Variants in PATJ observed in about 807,000 individuals in gnomAD.
PATJ encodes inaD-like protein.
A neutral mutation model predicts 224.9 loss-of-function variants in PATJ; 190 were observed. The ratio of observed to expected loss-of-function variants is 0.84; its 90% CI spans 0.75 to 0.95. The LOEUF is 0.95. PATJ is among the 40% of genes least tolerant of loss of function. The pLI is 0.00. For synonymous variants in PATJ, 769 were observed against 820.3 expected (o/e 0.94, Z 1.07); for missense variants, 2,121 against 2,270.3 (o/e 0.93, Z 1.34).
At chr1:61,835,470 C>A (rs1660023567) in intron 17 of PATJ, among the ~76,000 whole-genome samples, 1 of 152,170 alleles carries the variant, frequency 6.6e-6, no homozygotes, top group Non-Finnish European at 1.5e-5. Flanking sequence ...GTGGTGCGAT[C>A]TTGGCTCACT....
chr1:61,794,647 T>C (rs924015151), intron 9 of PATJ, among the ~76,000 whole-genome samples: 1 of 152,158 alleles, frequency 6.6e-6, no homozygotes, highest in Non-Finnish European at 1.5e-5. Context: ...TTCATGTTGC[T>C]GAGCTCATAC....
chr1:61,811,448 T>G (rs903461043), intron 14 of PATJ, among the ~76,000 whole-genome samples: 6 of 152,008 alleles, frequency 3.9e-5, no homozygotes, highest in African/African-American at 2.4e-5. Context: ...CAAGCTGGTC[T>G]CGAACTCCTG....
chr1:61,812,401 AGT>A (rs1655002560), intron 14 of PATJ, among the ~76,000 whole-genome samples: 145 of 94,848 alleles, frequency 1.5e-3, no homozygotes, highest in East Asian at 5.1e-3. Context: ...AGAGAATGTG[AGT>A]GACTGAGAGA....
At chr1:61,971,828 TA>T (rs5774579) in intron 27 of PATJ, among the ~76,000 whole-genome samples, 227 of 142,678 alleles carry the variant, frequency 1.6e-3, no homozygotes, top group Middle Eastern at 7.2e-3. Flanking sequence ...CCCTATCTCT[TA>T]AAAAAAAAAA....
intron 30 of PATJ, among the ~76,000 whole-genome samples, chr1:62,039,743 G>A (rs1050344700): frequency 6.6e-5 from 10 of 152,120 alleles, no homozygotes; most frequent in Non-Finnish European, 1.0e-4. Context: ...TAACTGCTTC[G>A]CTTTTGGAGC....
chr1:61,797,809 CTT>C (rs879929174), intron 11 of PATJ, among the ~76,000 whole-genome samples: 3 of 146,736 alleles, frequency 2.0e-5, no homozygotes, highest in East Asian at 2.0e-4. Context: ...TTTCCTATTA[CTT>C]TTTTTTTTTT....
chr1:62,014,205 A>G lies in PATJ; in HGVS notation c.3868-3651A>G, dbSNP rs1031623643. Among the ~76,000 whole-genome samples the G allele has an allele frequency of 2.6e-5, 4 of 151,956 alleles. No homozygotes were observed. The East Asian group carries it at 7.8e-4, about 30-fold the overall frequency. ...TCTGAGTAGCTGGAATTACAGGCAC[A>G]CATCACCATAACTGGTTAACTTTTT... On this transcript the variant is annotated intron_variant, in intron 28 of 43. Coordinates refer to ENST00000642238, the MANE Select transcript of PATJ (RefSeq NM_001350145.3).
At chr1:61,787,716 C>A in intron 7 of PATJ, 38 bp from the exon 8 acceptor site, 1 of 1,464,094 alleles carries the variant, frequency 6.8e-7, no homozygotes, top group Non-Finnish European at 9.6e-7. Context: ...GAAGTTACAG[C>A]ATTTATTTCT....
chr1:61,897,499 T>G (rs1171094525), intron 22 of PATJ, among the ~76,000 whole-genome samples: 3 of 152,222 alleles, frequency 2.0e-5, no homozygotes, highest in Admixed American at 6.5e-5. Flanking sequence ...CTGCCATTAA[T>G]GTATGGCCTT....
chr1:61,889,952 T>C (rs1184738269), intron 22 of PATJ, among the ~76,000 whole-genome samples: 1 of 152,194 alleles, frequency 6.6e-6, no homozygotes, highest in Non-Finnish European at 1.5e-5. Flanking sequence ...AGACCTCGCC[T>C]GGTTTCAGTC....
chr1:61,936,432 C>CAAA (rs11455787), intron 27 of PATJ, among the ~76,000 whole-genome samples: 16 of 92,680 alleles, frequency 1.7e-4, no homozygotes, highest in South Asian at 1.3e-3. Context: ...CTTCCAAGAC[C>CAAA]AAAAAAAAAA....
chr1:61,986,821 ATTTTG>A (rs1219590571), intron 27 of PATJ, among the ~76,000 whole-genome samples: 1 of 151,976 alleles, frequency 6.6e-6, no homozygotes, highest in African/African-American at 2.4e-5. Flanking sequence ...ATGCATTTTT[ATTTTG>A]TTTTGTTTGT....
At chr1:61,948,466 C>G (rs1475272871) in intron 27 of PATJ, among the ~76,000 whole-genome samples, 3 of 152,168 alleles carry the variant, frequency 2.0e-5, no homozygotes, top group Non-Finnish European at 1.5e-5. Flanking sequence ...TGAAAAAATG[C>G]TCATCATCAC....
At chr1:62,022,912 G>C (rs2148419160) in intron 29 of PATJ, among the ~76,000 whole-genome samples, 1 of 152,282 alleles carries the variant, frequency 6.6e-6, no homozygotes, top group Non-Finnish European at 1.5e-5. Context: ...ATCCCTGAAA[G>C]ATGATATTGC....
chr1:61,871,424 T>TACATATATATGTATATATATAC (rs1666428052), intron 20 of PATJ, among the ~76,000 whole-genome samples: 3 of 59,962 alleles, frequency 5.0e-5, no homozygotes, highest in South Asian at 6.2e-4. Flanking sequence ...CATATATATG[T>TACATATATATGTATATATATAC]ACATATATAT....
intron 20 of PATJ, among the ~76,000 whole-genome samples, chr1:61,864,961 T>TG (rs1182801593): frequency 3.3e-5 from 5 of 152,194 alleles, no homozygotes; most frequent in Middle Eastern, 6.8e-3. Flanking sequence ...AAAAATTCCC[T>TG]GGGGAAACAC....
chr1:62,142,112 T>C lies in PATJ; in HGVS notation c.5272-6172T>C, dbSNP rs150480401. Reference sequence around the variant, plus strand: ...GCAGGCTGCTGTCACATCTTGGCATTTGACGATACCTTAAAAAAAAACACT... The same window carrying C: ...GCAGGCTGCTGTCACATCTTGGCATCTGACGATACCTTAAAAAAAAACACT... On this transcript the variant is annotated intron_variant, in intron 41 of 43. Transcript: ENST00000642238. 3.5e-3 allele frequency among the ~76,000 whole-genome samples: 539 copies of C among 152,132 alleles called. 1 individual carries two copies. Among genetic ancestry groups the C allele is most frequent in the Non-Finnish European group, 5.1e-3 (345 of 68,024 alleles).
chr1:62,061,929 G>A (rs1474230692), intron 31 of PATJ, among the ~76,000 whole-genome samples: 1 of 152,164 alleles, frequency 6.6e-6, no homozygotes, highest in Non-Finnish European at 1.5e-5. Context: ...AAAGTGCTGG[G>A]ATTACAGGCG....
At position 61,988,468 on chromosome 1, in the gene PATJ, C is replaced by T. The variant is rs186243616; in HGVS notation, c.3671-1700C>T. Among the ~76,000 whole-genome samples, 9 of 152,136 alleles carry T rather than the reference C, an allele frequency of 5.9e-5. No homozygotes were observed. In the East Asian group the frequency reaches 9.6e-4, roughly 16 times the overall value. ...CACACAGCATCTTGTTCTTGGTTGC[C>T]GACCAGCAAAAATGCCTTGTATTTA... On this transcript the variant is annotated intron_variant, in intron 27 of 43. Coordinates refer to ENST00000642238, the MANE Select transcript of PATJ (RefSeq NM_001350145.3).
Sources: gnomAD v4.1 joint callset for allele counts (sites outside exome capture counted in the v4.1 genomes callset) on GRCh38, gnomAD v4.1.1 for gene constraint, MANE v1.5 for transcripts, NCBI Gene and HGNC (gene_info 2026-07-23, HGNC 2026-07-21) for gene names.